The following CACNA2D1 variants were observed in gnomAD, a reference collection of about 807,000 sequenced individuals.
The protein encoded by CACNA2D1 is voltage-dependent calcium channel subunit alpha-2/delta-1.
In CACNA2D1, 53 loss-of-function variants were observed where a neutral mutation model predicts 171.5. That is an observed-to-expected ratio of 0.31 (90% confidence interval 0.25 to 0.39). CACNA2D1 has a LOEUF of 0.39. Ranked by LOEUF, CACNA2D1 falls within the 10% of genes least tolerant of loss-of-function variation. CACNA2D1 has a pLI of 1.00. For missense variants in CACNA2D1, 903 were observed against 1,299.8 expected (o/e 0.69, Z 4.69); for synonymous variants, 442 against 443.1 (o/e 1.00, Z 0.03).
At chr7:82,124,893 T>A (rs570998973) in intron 5 of CACNA2D1, among the ~76,000 whole-genome samples, 282 of 150,336 alleles carry the variant, frequency 1.9e-3, no homozygotes, top group African/African-American at 4.4e-3. Context: ...GACAGCTTTT[T>A]AAAAAAAAAA....
chr7:82,175,512 G>T (rs796300384), intron 3 of CACNA2D1, among the ~76,000 whole-genome samples: 5 of 151,976 alleles, frequency 3.3e-5, no homozygotes, highest in African/African-American at 1.2e-4. Flanking sequence ...TTCATCAAAC[G>T]GTTCTTAGCA....
intron 5 of CACNA2D1, among the ~76,000 whole-genome samples, chr7:82,123,535 A>G (rs1020421308): frequency 6.6e-6 from 1 of 152,136 alleles, no homozygotes; most frequent in Non-Finnish European, 1.5e-5. Flanking sequence ...TGTCTCCAAA[A>G]TTTTACCCTT....
At chr7:82,210,037 T>C (rs1296333751) in intron 3 of CACNA2D1, among the ~76,000 whole-genome samples, 1 of 152,178 alleles carries the variant, frequency 6.6e-6, no homozygotes, top group African/African-American at 2.4e-5. Context: ...GTTAGTCAAA[T>C]TTTCTCAACT....
At chr7:82,031,769 C>G (rs536137818) in intron 12 of CACNA2D1, among the ~76,000 whole-genome samples, 4 of 151,816 alleles carry the variant, frequency 2.6e-5, no homozygotes, top group African/African-American at 9.7e-5. Context: ...TTTTGTCTCG[C>G]TTTTCAACAC....
At chr7:82,358,310 C>T (rs1820692819) in intron 1 of CACNA2D1, among the ~76,000 whole-genome samples, 1 of 152,140 alleles carries the variant, frequency 6.6e-6, no homozygotes, top group East Asian at 1.9e-4. Context: ...GCTAAATATG[C>T]TTTTCTTATA....
At chr7:82,146,041 G>A (rs1318503254) in intron 4 of CACNA2D1, among the ~76,000 whole-genome samples, 1 of 151,746 alleles carries the variant, frequency 6.6e-6, no homozygotes, top group Non-Finnish European at 1.5e-5. Context: ...TCATTATGGT[G>A]CCTGTAAATT....
chr7:82,251,268 G>T (rs544950928), intron 3 of CACNA2D1, among the ~76,000 whole-genome samples: 5 of 152,048 alleles, frequency 3.3e-5, no homozygotes, highest in Non-Finnish European at 7.4e-5. Flanking sequence ...CCTAAAATAG[G>T]TTGCTGCTGT....
At chr7:82,442,717 C>A (rs996844799) in intron 1 of CACNA2D1, among the ~76,000 whole-genome samples, 8 of 152,162 alleles carry the variant, frequency 5.3e-5, no homozygotes, top group African/African-American at 1.9e-4. Flanking sequence ...GCGTGTCTGC[C>A]GACACTTAGA....
chr7:82,199,702 A>G (rs921848721), intron 3 of CACNA2D1, among the ~76,000 whole-genome samples: 7 of 152,032 alleles, frequency 4.6e-5, no homozygotes, highest in South Asian at 2.1e-4. Context: ...TAATCTAGCA[A>G]TTCTACTCAT....
At chr7:82,108,761 A>G (rs1323103587) in intron 6 of CACNA2D1, among the ~76,000 whole-genome samples, 1 of 152,178 alleles carries the variant, frequency 6.6e-6, no homozygotes, top group African/African-American at 2.4e-5. Flanking sequence ...TAGTGAAAGT[A>G]AAGGCCATCT....
intron 3 of CACNA2D1, among the ~76,000 whole-genome samples, chr7:82,332,524 A>AAG (rs3054695): frequency 0.14 from 20,154 of 139,544 alleles, 1,780 homozygotes; most frequent in Middle Eastern, 0.24. Context: ...GAAAGAAAGA[A>AAG]AGAAAGAAAG....
intron 34 of CACNA2D1, among the ~76,000 whole-genome samples, chr7:81,963,179 C>CA (rs1794344302): frequency 6.6e-6 from 1 of 151,816 alleles, no homozygotes; most frequent in Non-Finnish European, 1.5e-5. Context: ...CAGAAAATAC[C>CA]ATTTTTCAGA....
chr7:81,994,179 TTC>T (rs1289281990), intron 20 of CACNA2D1, among the ~76,000 whole-genome samples: 15 of 152,148 alleles, frequency 9.9e-5, no homozygotes, highest in Admixed American at 9.8e-4. Flanking sequence ...GCTCAAAAGC[TTC>T]TGAGACTTAC....
intron 1 of CACNA2D1, among the ~76,000 whole-genome samples, chr7:82,426,902 G>A (rs1006590978): frequency 1.3e-5 from 2 of 152,180 alleles, no homozygotes; most frequent in Non-Finnish European, 2.9e-5. Context: ...GAATTAGAGA[G>A]GGAGAGAGAC....
intron 6 of CACNA2D1, among the ~76,000 whole-genome samples, chr7:82,103,707 T>C (rs1032973855): frequency 6.6e-6 from 1 of 152,090 alleles, no homozygotes; most frequent in Non-Finnish European, 1.5e-5. Context: ...AAAATAGAAG[T>C]CAATTTTAAT....
chr7:82,039,579 T>C (rs1408286324), intron 10 of CACNA2D1, among the ~76,000 whole-genome samples: 1 of 152,194 alleles, frequency 6.6e-6, no homozygotes. Context: ...TGCCTCTCAA[T>C]ATAGTATAAT....
chr7:82,159,117 GA>G (rs1794674957), intron 4 of CACNA2D1, among the ~76,000 whole-genome samples: 2 of 151,838 alleles, frequency 1.3e-5, no homozygotes, highest in African/African-American at 4.8e-5. Context: ...ATATTTTCAG[GA>G]ACACTTATGT....
At chr7:82,185,774 A>G (rs1263643220) in intron 3 of CACNA2D1, among the ~76,000 whole-genome samples, 1 of 152,064 alleles carries the variant, frequency 6.6e-6, no homozygotes, top group East Asian at 1.9e-4. Context: ...TAAGAGATTT[A>G]TTAATATTTA....
intron 1 of CACNA2D1, among the ~76,000 whole-genome samples, chr7:82,414,366 T>C (rs1827966191): frequency 1.3e-5 from 2 of 152,158 alleles, no homozygotes; most frequent in Admixed American, 1.3e-4. Flanking sequence ...GAGATGTTTA[T>C]TGCTGTACCC....
Sources: allele counts gnomAD v4.1 joint callset (sites outside exome capture counted in the v4.1 genomes callset), GRCh38; gene constraint gnomAD v4.1.1; transcripts MANE v1.5; gene names NCBI Gene and HGNC (gene_info 2026-07-23, HGNC 2026-07-21).